SLC16A12: variants seen among roughly 807,000 people sequenced by gnomAD.
The protein encoded by SLC16A12 is solute carrier family 16 member 12.
In SLC16A12, 17 loss-of-function variants were observed where a neutral mutation model predicts 42.4. That is an observed-to-expected ratio of 0.40 (90% CI 0.27 to 0.60). SLC16A12 has a LOEUF of 0.60. SLC16A12 is among the 20% of genes least tolerant of loss of function. The probability of loss-of-function intolerance (pLI) is 0.42; values close to 1 mark genes in which losing one functional copy is unlikely to be tolerated. For missense variants in SLC16A12, 544 were observed against 623.0 expected (o/e 0.87, Z 1.35); for synonymous variants, 224 against 229.4 (o/e 0.98, Z 0.21).
intron 2 of SLC16A12, among the ~76,000 whole-genome samples, chr10:89,495,909 A>G (rs975921201): frequency 6.6e-6 from 1 of 152,214 alleles, no homozygotes; most frequent in African/African-American, 2.4e-5. Context: ...TTTCTTTGGC[A>G]CCATTGTAAA....
At chr10:89,447,448 GA>G (rs1842023656) in intron 3 of SLC16A12, among the ~76,000 whole-genome samples, 1 of 152,210 alleles carries the variant, frequency 6.6e-6, no homozygotes, top group Non-Finnish European at 1.5e-5. Context: ...TCAGGATTAA[GA>G]AACTCACTCA....
chr10:89,486,774 A>G (rs72816723), intron 2 of SLC16A12, among the ~76,000 whole-genome samples: 10,045 of 151,662 alleles, frequency 0.066, 502 homozygotes, highest in East Asian at 0.21. Flanking sequence ...TAGGAAATGA[A>G]TATCACAGAA....
Position 89,548,652 on chromosome 10 carries a change from C to T in SLC16A12, c.-47+7230G>A, listed in dbSNP as rs1589739371. ...CCAACATGGTGAAACCCCATCTCTA[C>T]TAAAAATACAAAAATTAGCCGGGTG... On this transcript the variant is annotated intron_variant, in intron 2 of 2. Coordinates refer to the SLC16A12 transcript ENST00000475682. Among the ~76,000 whole-genome samples the T allele has an allele frequency of 3.3e-5, 5 of 152,186 alleles. No individual in the cohort carries two copies. The East Asian group carries it at 9.7e-4, about 29-fold the overall frequency.
intron 2 of SLC16A12, among the ~76,000 whole-genome samples, chr10:89,541,072 C>G (rs1011291293): frequency 6.6e-6 from 1 of 151,770 alleles, no homozygotes; most frequent in African/African-American, 2.4e-5. Context: ...TAGGTGCCCA[C>G]CACCACGCCA....
At chr10:89,511,926 G>GATGA (rs1346129974) in intron 2 of SLC16A12, among the ~76,000 whole-genome samples, 3 of 152,076 alleles carry the variant, frequency 2.0e-5, no homozygotes, top group African/African-American at 7.2e-5. Context: ...TTCATTAATA[G>GATGA]ATGAATGGAT....
At chr10:89,531,775 G>T (rs1356184180) in intron 2 of SLC16A12, among the ~76,000 whole-genome samples, 1 of 152,170 alleles carries the variant, frequency 6.6e-6, no homozygotes, top group Non-Finnish European at 1.5e-5. Flanking sequence ...CATAAAGATA[G>T]GTATATCCTC....
chr10:89,487,191 A>C (rs1019842881), intron 2 of SLC16A12, among the ~76,000 whole-genome samples: 1 of 152,218 alleles, frequency 6.6e-6, no homozygotes, highest in Non-Finnish European at 1.5e-5. Context: ...AGGGGAAATC[A>C]CATCTAACTC....
intron 2 of SLC16A12, among the ~76,000 whole-genome samples, chr10:89,523,046 T>G (rs986925592): frequency 1.3e-5 from 2 of 152,222 alleles, no homozygotes; most frequent in Non-Finnish European, 2.9e-5. Context: ...AAAGAAAGAC[T>G]TGTCACTCTA....
At chr10:89,498,728 T>G (rs1366143751) in intron 2 of SLC16A12, among the ~76,000 whole-genome samples, 1 of 152,148 alleles carries the variant, frequency 6.6e-6, no homozygotes, top group Non-Finnish European at 1.5e-5. Flanking sequence ...GGATTGCTCC[T>G]GCAGGACCTG....
chr10:89,472,773 G>A (rs1229842832), intron 2 of SLC16A12, among the ~76,000 whole-genome samples: 2 of 151,582 alleles, frequency 1.3e-5, no homozygotes, highest in Non-Finnish European at 2.9e-5. Context: ...GATTACAGGT[G>A]TGAGCCACCG....
chr10:89,490,553 A>G (rs1028986113), intron 2 of SLC16A12, among the ~76,000 whole-genome samples: 7 of 152,218 alleles, frequency 4.6e-5, no homozygotes, highest in Non-Finnish European at 8.8e-5. Context: ...CTGGTATATT[A>G]TAAAGGATAC....
chr10:89,509,705 A>G (rs568740933), intron 2 of SLC16A12, among the ~76,000 whole-genome samples: 34 of 152,178 alleles, frequency 2.2e-4, no homozygotes, highest in Non-Finnish European at 4.1e-4. Flanking sequence ...CTCTCTCACC[A>G]CTCCTTTTCA....
intron 2 of SLC16A12, among the ~76,000 whole-genome samples, chr10:89,487,950 A>T (rs1396410641): frequency 7.4e-6 from 1 of 134,292 alleles, no homozygotes; most frequent in East Asian, 2.2e-4. Flanking sequence ...GGATAAAGAA[A>T]ATGTGGTGTG....
At chr10:89,521,700 GGAGGAGGAGGAAGAA>G (rs1843360904) in intron 2 of SLC16A12, among the ~76,000 whole-genome samples, 1 of 152,128 alleles carries the variant, frequency 6.6e-6, no homozygotes, top group Non-Finnish European at 1.5e-5. Flanking sequence ...AATGAAAGAG[GGAGGAGGAGGAAGAA>G]GAGGAGGAGG....
intron 7 of SLC16A12, among the ~76,000 whole-genome samples, chr10:89,434,139 G>A (rs564171131): frequency 1.3e-5 from 2 of 152,252 alleles, no homozygotes; most frequent in South Asian, 2.1e-4. Context: ...TGTAGAAGTT[G>A]TTATAAGCCC....
In SLC16A12 at chr10:89,433,050, C is replaced by T; in HGVS notation, c.*14G>A. The T allele has an allele frequency of 6.2e-7, 1 of 1,613,960 alleles. No individual in the cohort carries two copies. The highest frequency in any genetic ancestry group is 8.5e-7 in the Non-Finnish European group (1 of 1,180,004). The stretch of plus-strand genomic sequence containing the variant: ...TCTCTCAAACCTGAAGATTCTGGGG[C>T]TCAAGGCCTTTGGTCATGTGAGGCT... On this transcript the variant is annotated 3_prime_UTR_variant, in exon 8 of 8. Transcript: ENST00000371790.
chr10:89,556,054 AG>A (rs1321918943), intron 1 of SLC16A12: 2 of 152,092 alleles, frequency 1.3e-5, no homozygotes, highest in Non-Finnish European at 2.9e-5. Context: ...AGTAACTTGG[AG>A]GAAAAAATTT....
chr10:89,457,357 A>C (rs1318527764), intron 3 of SLC16A12, among the ~76,000 whole-genome samples: 1 of 152,234 alleles, frequency 6.6e-6, no homozygotes, highest in Non-Finnish European at 1.5e-5. Flanking sequence ...ACATTTATGC[A>C]ACCAACAAAC....
intron 2 of SLC16A12, among the ~76,000 whole-genome samples, chr10:89,468,933 C>G (rs1038646971): frequency 8.5e-5 from 13 of 152,102 alleles, no homozygotes; most frequent in African/African-American, 3.1e-4. Flanking sequence ...AGTTTGAGAC[C>G]AGCCTGGCCA....
Sources: gnomAD v4.1 joint callset for allele counts (sites outside exome capture counted in the v4.1 genomes callset) on GRCh38, gnomAD v4.1.1 for gene constraint, MANE v1.5 for transcripts, NCBI Gene and HGNC (gene_info 2026-07-23, HGNC 2026-07-21) for gene names.